ITGA9: variants seen among roughly 807,000 people sequenced by gnomAD.
The protein encoded by ITGA9 is integrin alpha-9.
ITGA9 carries 56 observed loss-of-function variants against 127.8 expected under a neutral mutation model. That is an observed-to-expected ratio of 0.44 (90% CI 0.35 to 0.55). The LOEUF (loss-of-function observed/expected upper bound fraction) is 0.55, where lower values mean the gene tolerates loss of function less well. Ranked by LOEUF, ITGA9 falls within the 20% of genes least tolerant of loss-of-function variation. The pLI is 0.00. For missense variants in ITGA9, 1,196 were observed against 1,347.1 expected (o/e 0.89, Z 1.76); for synonymous variants, 508 against 514.5 (o/e 0.99, Z 0.17).
intron 22 of ITGA9, chr3:37,748,653 A>G: frequency 1.9e-6 from 1 of 516,524 alleles, no homozygotes; most frequent in Non-Finnish European, 3.4e-6. Context: ...AGGCTGAGGC[A>G]GGGAGAATTG....
intron 18 of ITGA9, among the ~76,000 whole-genome samples, chr3:37,698,198 G>A (rs1234387283): frequency 1.3e-5 from 2 of 151,804 alleles, no homozygotes; most frequent in African/African-American, 2.4e-5. Context: ...TTTTTTTCTT[G>A]TACATTTGTT....
chr3:37,508,515 C>G (rs1293809485), intron 7 of ITGA9, 44 bp from the exon 8 acceptor site: 16 of 1,504,748 alleles, frequency 1.1e-5, no homozygotes, highest in Non-Finnish European at 1.4e-5. Flanking sequence ...TATCTTTGAT[C>G]ATTGATTTCA....
At chr3:37,781,460 C>T (rs956962204) in intron 25 of ITGA9, among the ~76,000 whole-genome samples, 4 of 152,132 alleles carry the variant, frequency 2.6e-5, no homozygotes, top group East Asian at 1.9e-4. Flanking sequence ...GTTTAAATGA[C>T]GGTTTGTTTT....
Position 37,629,213 on chromosome 3 carries a change from G to T in ITGA9, c.1716G>T (p.Pro572=). ...VKRRVQDVIS[P]IVFEAAYSLS... ...GGAGGGTGCAGGACGTCATCAGCCC[G>T]ATCGTGTTTGAAGCAGCCTACAGCC... Residue 572 remains proline, a synonymous_variant, in exon 16 of 28, where the codon CCG becomes CCT. Transcript: ENST00000264741. This position sits in a 1 kb window ranked among gnomAD's most constrained non-coding sequence, Gnocchi z 4.5. 1 of 1,613,244 alleles carries T rather than the reference G, an allele frequency of 6.2e-7. No homozygotes were observed. Among genetic ancestry groups the T allele is most frequent in the Non-Finnish European group, 8.5e-7 (1 of 1,179,920 alleles).
chr3:37,702,432 G>A (rs1336268417), intron 18 of ITGA9, among the ~76,000 whole-genome samples: 1 of 152,170 alleles, frequency 6.6e-6, no homozygotes, highest in Non-Finnish European at 1.5e-5. Flanking sequence ...TTGGCAAGGT[G>A]GTTAGAGCTG....
At chr3:37,687,909 A>G (rs1700796644) in intron 18 of ITGA9, among the ~76,000 whole-genome samples, 1 of 152,210 alleles carries the variant, frequency 6.6e-6, no homozygotes, top group Non-Finnish European at 1.5e-5. Flanking sequence ...AAAGACAGGA[A>G]GGCGTGCATT....
chr3:37,683,872 G>A lies in ITGA9; in HGVS notation c.1924G>A (p.Glu642Lys), dbSNP rs1700756473. ...QGKLLLSSMD[E>K]KTLYLALGAV... ...GTCTATTTTTCGTTACAGTATGGAT[G>A]AGAAAACCCTGTATCTAGCTTTGGG... Residue 642 changes from glutamate to lysine, a missense_variant, in exon 18 of 28, where the codon GAG becomes AAG. By Grantham distance (56) the Glu-to-Lys change is moderately conservative (BLOSUM62 1). Transcript: ENST00000264741. 6.2e-7 allele frequency: 1 copy of A among 1,613,896 alleles called. No homozygotes were observed. Among genetic ancestry groups the A allele is most frequent in the Admixed American group, 1.7e-5 (1 of 60,002 alleles).
intron 15 of ITGA9, among the ~76,000 whole-genome samples, chr3:37,571,119 G>A (rs1187235162): frequency 6.6e-6 from 1 of 152,140 alleles, no homozygotes; most frequent in Non-Finnish European, 1.5e-5. Flanking sequence ...GGCCCTTTTT[G>A]GGGGCAGGAG....
At chr3:37,650,326 G>A (rs1559558129) in intron 16 of ITGA9, among the ~76,000 whole-genome samples, 1 of 152,096 alleles carries the variant, frequency 6.6e-6, no homozygotes, top group East Asian at 1.9e-4. Context: ...TGTAAGGAGT[G>A]CCATCATCGA....
intron 15 of ITGA9, among the ~76,000 whole-genome samples, chr3:37,589,274 C>T (rs932623252): frequency 4.6e-5 from 7 of 152,166 alleles, no homozygotes; most frequent in East Asian, 1.9e-4. Flanking sequence ...ACTGAGAAGA[C>T]GCTGCCATTC....
At chr3:37,555,560 GA>G (rs1432363928) in intron 15 of ITGA9, among the ~76,000 whole-genome samples, 2 of 152,202 alleles carry the variant, frequency 1.3e-5, no homozygotes, top group African/African-American at 4.8e-5. Context: ...ACAGACACTG[GA>G]CAGACAACTC....
chr3:37,667,429 C>T (rs1179060080), intron 17 of ITGA9, among the ~76,000 whole-genome samples: 2 of 152,010 alleles, frequency 1.3e-5, no homozygotes, highest in African/African-American at 2.4e-5. Flanking sequence ...TGTTCCCATT[C>T]GCTGAGGACA....
Position 37,452,768 on chromosome 3 carries a change from T to A in ITGA9, c.185+209T>A, listed in dbSNP as rs1298503055. Among the ~76,000 whole-genome samples, 1 of 151,994 alleles carries A rather than the reference T, an allele frequency of 6.6e-6. No homozygotes were observed. The highest frequency in any genetic ancestry group is 1.5e-5 in the Non-Finnish European group (1 of 67,940). ...GCCCGCTAAGGTCGGGGTCGGCGCCTGGAGGCGGGCGGGGGCGTCCGGGTG... is the reference window on the plus strand; with the variant it reads ...GCCCGCTAAGGTCGGGGTCGGCGCCAGGAGGCGGGCGGGGGCGTCCGGGTG... On this transcript the variant is annotated intron_variant, in intron 1 of 27. Coordinates refer to ENST00000264741, the MANE Select transcript of ITGA9 (RefSeq NM_002207.3). This position sits in a 1 kb window ranked among gnomAD's most constrained non-coding sequence, Gnocchi z 7.3.
intron 15 of ITGA9, among the ~76,000 whole-genome samples, chr3:37,566,932 T>A (rs867543136): frequency 3.9e-5 from 6 of 152,358 alleles, no homozygotes; most frequent in Non-Finnish European, 1.5e-5. Context: ...CTATGAGTCA[T>A]GTGACATTCC....
intron 19 of ITGA9, 37 bp downstream of exon 19, chr3:37,732,835 GC>G: frequency 6.7e-7 from 1 of 1,491,418 alleles, no homozygotes; most frequent in Admixed American, 1.9e-5. Flanking sequence ...TCAGCAGCAG[GC>G]CCCCAGCCCT....
intron 17 of ITGA9, among the ~76,000 whole-genome samples, chr3:37,657,118 T>C (rs1700486579): frequency 6.6e-6 from 1 of 152,252 alleles, no homozygotes; most frequent in Non-Finnish European, 1.5e-5. Context: ...GATTTTAGCA[T>C]TGATGTTCAT....
intron 15 of ITGA9, among the ~76,000 whole-genome samples, chr3:37,555,501 C>A (rs1421814379): frequency 6.6e-6 from 1 of 152,090 alleles, no homozygotes; most frequent in African/African-American, 2.4e-5. Context: ...TAGTGGCTAC[C>A]ATGTTGGACA....
At position 37,452,633 on chromosome 3, in the gene ITGA9, G is replaced by T. The variant is rs2125543102; in HGVS notation, c.185+74G>T. On this transcript the variant is annotated intron_variant, in intron 1 of 27. Coordinates refer to ENST00000264741, the MANE Select transcript of ITGA9 (RefSeq NM_002207.3). This position sits in a 1 kb window ranked among gnomAD's most constrained non-coding sequence, Gnocchi z 7.3. ...CGGCCCCCAGGCCAGCGCCGCCGCCGCCTTTCCGGTCTCTTCCACGCCGCC... is the reference window on the plus strand; with the variant it reads ...CGGCCCCCAGGCCAGCGCCGCCGCCTCCTTTCCGGTCTCTTCCACGCCGCC... The T allele has an allele frequency of 7.8e-7, 1 of 1,287,748 alleles. No homozygotes were observed. 79.8% of individuals were successfully genotyped at this position (1,287,748 alleles called of 1,614,324 possible).
intron 26 of ITGA9, among the ~76,000 whole-genome samples, chr3:37,786,236 T>A (rs1697039643): frequency 6.6e-6 from 1 of 152,216 alleles, no homozygotes; most frequent in South Asian, 2.1e-4. Context: ...GATTTTGTGC[T>A]TAGAAACTGT....
Sources: allele counts gnomAD v4.1 joint callset (sites outside exome capture counted in the v4.1 genomes callset), GRCh38; gene constraint gnomAD v4.1.1; non-coding constraint Gnocchi (gnomAD v3.1); transcripts MANE v1.5; gene names NCBI Gene and HGNC (gene_info 2026-07-23, HGNC 2026-07-21).